The following R3HCC1L variants were observed in gnomAD, a reference collection of about 807,000 sequenced individuals.
R3HCC1L encodes the protein coiled-coil domain-containing protein R3HCC1L.
In R3HCC1L, 51 loss-of-function variants were observed where a neutral mutation model predicts 59.9. The ratio of observed to expected loss-of-function variants is 0.85; its 90% CI spans 0.68 to 1.07. The LOEUF (loss-of-function observed/expected upper bound fraction) is 1.07, where lower values mean the gene tolerates loss of function less well. Ranked by LOEUF, R3HCC1L falls within the 50% of genes least tolerant of loss-of-function variation. R3HCC1L has a pLI of 0.00. For missense variants in R3HCC1L, 965 were observed against 933.0 expected, an observed-to-expected ratio of 1.03 and a Z score of -0.45; for synonymous variants, 322 against 315.2, an observed-to-expected ratio of 1.02 and a Z score of -0.23.
At chr10:98,178,832 A>G (rs2134509379) in intron 4 of R3HCC1L, among the ~76,000 whole-genome samples, 1 of 152,272 alleles carries the variant, frequency 6.6e-6, no homozygotes, top group Admixed American at 6.5e-5. Context: ...GCAATTGTGA[A>G]TGGGAGTTCA....
At chr10:98,241,947 C>T (rs1857572755) in intron 9 of R3HCC1L, among the ~76,000 whole-genome samples, 1 of 152,208 alleles carries the variant, frequency 6.6e-6, no homozygotes, top group African/African-American at 2.4e-5. Context: ...TTACACCTCA[C>T]ATTTTCACTA....
intron 4 of R3HCC1L, among the ~76,000 whole-genome samples, chr10:98,190,060 T>A (rs1471349283): frequency 6.6e-6 from 1 of 152,212 alleles, no homozygotes; most frequent in East Asian, 1.9e-4. Context: ...ATGTACATCC[T>A]CCTTTTTACT....
At chr10:98,180,061 T>G (rs190175198) in intron 4 of R3HCC1L, among the ~76,000 whole-genome samples, 3 of 152,322 alleles carry the variant, frequency 2.0e-5, no homozygotes, top group South Asian at 2.1e-4. Flanking sequence ...TTTCCTTCAG[T>G]TTTGCTCTGA....
At chr10:98,156,941 G>A (rs1283761151) in intron 2 of R3HCC1L, among the ~76,000 whole-genome samples, 1 of 152,144 alleles carries the variant, frequency 6.6e-6, no homozygotes, top group Non-Finnish European at 1.5e-5. Flanking sequence ...CTAGGAAACC[G>A]TACATGGTAG....
At chr10:98,193,883 G>T (rs902994199) in intron 4 of R3HCC1L, among the ~76,000 whole-genome samples, 1 of 152,104 alleles carries the variant, frequency 6.6e-6, no homozygotes, top group Non-Finnish European at 1.5e-5. Context: ...TGGATTGGAA[G>T]ACTTAATATT....
At chr10:98,154,826 T>C (rs1210809689) in intron 1 of R3HCC1L, among the ~76,000 whole-genome samples, 3 of 152,238 alleles carry the variant, frequency 2.0e-5, no homozygotes, top group Non-Finnish European at 4.4e-5. Context: ...ACAAATTCAC[T>C]CTTGTCAAAT....
At chr10:98,152,163 C>T (rs563448651) in intron 1 of R3HCC1L, among the ~76,000 whole-genome samples, 7 of 152,342 alleles carry the variant, frequency 4.6e-5, no homozygotes, top group South Asian at 2.1e-4. Flanking sequence ...CTGTGTTGGC[C>T]GGGCTGGTCT....
chr10:98,186,647 G>A, intron 4 of R3HCC1L: 2 of 329,220 alleles, frequency 6.1e-6, no homozygotes, highest in Non-Finnish European at 8.7e-6. Flanking sequence ...CATGGCAGTG[G>A]AGGGGCAAAG....
rs146142075 is a variant in R3HCC1L at position 98,165,969 on chromosome 10, C to T, written c.-15+2572C>T. Reference sequence around the variant, plus strand: ...GGTGGCTCACCTGAGGTCAGGAGTTCGAAACCAGCCTGACCAACATGGTGA... The same window carrying T: ...GGTGGCTCACCTGAGGTCAGGAGTTTGAAACCAGCCTGACCAACATGGTGA... On this transcript the variant is annotated intron_variant, in intron 4 of 9. Coordinates refer to ENST00000298999, the MANE Select transcript of R3HCC1L (RefSeq NM_001351015.2). Among the ~76,000 whole-genome samples, 1,006 of 152,188 alleles carry T rather than the reference C, an allele frequency of 6.6e-3. 6 individuals are homozygous for T. The highest frequency in any genetic ancestry group is 0.023 in the African/African-American group (953 of 41,540).
At chr10:98,162,365 A>G (rs1472751036) in intron 2 of R3HCC1L, among the ~76,000 whole-genome samples, 3 of 152,230 alleles carry the variant, frequency 2.0e-5, no homozygotes, top group East Asian at 3.8e-4. Context: ...TTTCTGAAAC[A>G]TATTGTTAAC....
intron 1 of R3HCC1L, among the ~76,000 whole-genome samples, chr10:98,150,559 C>T (rs1846052046): frequency 6.6e-6 from 1 of 151,882 alleles, no homozygotes; most frequent in South Asian, 2.1e-4. Context: ...TCCTTTTCGG[C>T]ACCAGCTGTC....
At chr10:98,227,575 TG>T (rs1004666400) in intron 5 of R3HCC1L, among the ~76,000 whole-genome samples, 4 of 30,420 alleles carry the variant, frequency 1.3e-4, no homozygotes, top group Non-Finnish European at 9.7e-5. Flanking sequence ...CAGCAGTGTG[TG>T]TTTTTTTTTT....
At chr10:98,198,008 G>A (rs1351941370) in intron 4 of R3HCC1L, among the ~76,000 whole-genome samples, 2 of 152,158 alleles carry the variant, frequency 1.3e-5, no homozygotes, top group Non-Finnish European at 2.9e-5. Flanking sequence ...TTTGAACTGG[G>A]AAATGAAGAG....
At chr10:98,174,801 A>G (rs1278491509) in intron 4 of R3HCC1L, 4 of 965,550 alleles carry the variant, frequency 4.1e-6, no homozygotes, top group Non-Finnish European at 4.9e-6. Flanking sequence ...GCTCTGGTGA[A>G]TCTAAGGTTT....
chr10:98,236,128 C>G lies in R3HCC1L; in HGVS notation c.2233C>G (p.Arg745Gly), dbSNP rs769025969. 1.1e-5 allele frequency: 17 copies of G among 1,613,766 alleles called. No homozygotes were observed. The highest frequency in any genetic ancestry group is 2.7e-5 in the African/African-American group (2 of 74,956). The change falls in exon 9 of 10, where the codon CGA becomes GGA. Residue 745 changes from arginine (R) to glycine (G), a missense_variant. Coordinates refer to ENST00000298999, the MANE Select transcript of R3HCC1L (RefSeq NM_001351015.2). ...TCGAAGTAAGCAGAGCAAAACCGAACGAGAAGCAGAGCTCAAGAAACTGCA... is the reference window on the plus strand; with the variant it reads ...TCGAAGTAAGCAGAGCAAAACCGAAGGAGAAGCAGAGCTCAAGAAACTGCA... Reference protein sequence around the residue: ...GVRSKQSKTEREAELKKLQEA... With the variant: ...GVRSKQSKTEGEAELKKLQEA...
chr10:98,220,176 T>C (rs1177101831), intron 5 of R3HCC1L, among the ~76,000 whole-genome samples: 1 of 152,092 alleles, frequency 6.6e-6, no homozygotes, highest in African/African-American at 2.4e-5. Flanking sequence ...ATTTTTTGTT[T>C]CATTCATTGA....
At chr10:98,232,792 A>G (rs184826336) in intron 6 of R3HCC1L, among the ~76,000 whole-genome samples, 4 of 152,356 alleles carry the variant, frequency 2.6e-5, no homozygotes, top group Admixed American at 2.0e-4. Context: ...AACAGAAGCA[A>G]GCAAAAACAA....
chr10:98,213,913 A>G (rs1258445431), intron 5 of R3HCC1L, among the ~76,000 whole-genome samples: 2 of 152,178 alleles, frequency 1.3e-5, no homozygotes, highest in East Asian at 3.9e-4. Context: ...TGTATATTCT[A>G]ATGCAGTCAG....
chr10:98,193,634 G>A (rs949750444), intron 4 of R3HCC1L, among the ~76,000 whole-genome samples: 5 of 152,040 alleles, frequency 3.3e-5, no homozygotes, highest in African/African-American at 1.2e-4. Flanking sequence ...GACATAAATT[G>A]GTATTATTAT....
Sources: gnomAD v4.1 joint callset for allele counts (sites outside exome capture counted in the v4.1 genomes callset) on GRCh38, gnomAD v4.1.1 for gene constraint, MANE v1.5 for transcripts, NCBI Gene and HGNC (gene_info 2026-07-23, HGNC 2026-07-21) for gene names.